CACNA2D1: variants seen among roughly 807,000 people sequenced by gnomAD.
CACNA2D1 encodes the protein voltage-dependent calcium channel subunit alpha-2/delta-1.
In CACNA2D1, 53 loss-of-function variants were observed where a neutral mutation model predicts 171.5. That is an observed-to-expected ratio of 0.31 (90% CI 0.25 to 0.39). The LOEUF is 0.39. Among genes scored for constraint, CACNA2D1 ranks in the 10% least tolerant of loss-of-function variants. The pLI, the probability that CACNA2D1 is intolerant of heterozygous loss-of-function variation, is 1.00. For synonymous variants in CACNA2D1, 442 were observed against 443.1 expected (o/e 1.00, Z 0.03); for missense variants, 903 against 1,299.8 (o/e 0.69, Z 4.69).
chr7:81,951,827 G>T (rs1165304980), intron 38 of CACNA2D1, among the ~76,000 whole-genome samples: 1 of 151,988 alleles, frequency 6.6e-6, no homozygotes, highest in Non-Finnish European at 1.5e-5. Flanking sequence ...TTCATAAAAT[G>T]ACTTCTTTTC....
chr7:82,362,411 C>A lies in CACNA2D1; in HGVS notation c.96-12762G>T, dbSNP rs1419619686. 3.9e-5 allele frequency among the ~76,000 whole-genome samples: 6 copies of A among 152,140 alleles called. No individual in the cohort carries two copies. The South Asian group carries it at 1.0e-3, about 26-fold the overall frequency. On this transcript the variant is annotated intron_variant, in intron 1 of 38. Coordinates refer to ENST00000356860, the MANE Select transcript of CACNA2D1 (RefSeq NM_000722.4). ...ATTCAGCAGCCTCCCACAGGCCTGA[C>A]AACCCTTATATTCTCTCTCAAAATG...
chr7:81,978,753 G>GTATATATATATATA (rs1554336413), intron 24 of CACNA2D1, among the ~76,000 whole-genome samples: 3 of 139,478 alleles, frequency 2.2e-5, no homozygotes, highest in African/African-American at 8.1e-5. Context: ...TTTAAAAAGT[G>GTATATATATATATA]TATATATATA....
At chr7:82,326,561 C>T (rs2129442331) in intron 3 of CACNA2D1, among the ~76,000 whole-genome samples, 1 of 152,286 alleles carries the variant, frequency 6.6e-6, no homozygotes, top group South Asian at 2.1e-4. Context: ...TGGACCATAG[C>T]AGACAGTCAG....
At chr7:82,136,547 TA>T in intron 5 of CACNA2D1, 87 bp downstream of exon 5, 1 of 1,006,720 alleles carries the variant, frequency 9.9e-7, no homozygotes, top group Non-Finnish European at 1.5e-6. Flanking sequence ...TCTTAAAAAC[TA>T]AAACTGCTAG....
chr7:82,402,337 A>G (rs1181851901), intron 1 of CACNA2D1, among the ~76,000 whole-genome samples: 1 of 152,186 alleles, frequency 6.6e-6, no homozygotes, highest in African/African-American at 2.4e-5. Context: ...CTCACAATAA[A>G]TCTGTGGGCT....
intron 3 of CACNA2D1, among the ~76,000 whole-genome samples, chr7:82,242,217 T>TA (rs1243407306): frequency 5.3e-5 from 8 of 152,232 alleles, no homozygotes; most frequent in Admixed American, 5.2e-4. Flanking sequence ...GTAAGAACCG[T>TA]ATAAGGGAGC....
chr7:81,968,451 T>C (rs1690433809), intron 29 of CACNA2D1, among the ~76,000 whole-genome samples: 1 of 151,410 alleles, frequency 6.6e-6, no homozygotes. Context: ...AGACGCCTAC[T>C]AGAATATAGT....
At chr7:82,129,696 G>T (rs551749488) in intron 5 of CACNA2D1, among the ~76,000 whole-genome samples, 1 of 152,148 alleles carries the variant, frequency 6.6e-6, no homozygotes, top group Non-Finnish European at 1.5e-5. Flanking sequence ...ATTTTCCTCT[G>T]TGTCTTTAAT....
chr7:81,959,610 T>A (rs1793856899), intron 37 of CACNA2D1, 110 bp downstream of exon 37: 1 of 1,196,114 alleles, frequency 8.4e-7, no homozygotes, highest in Non-Finnish European at 1.2e-6. Flanking sequence ...CTTTGCGAGG[T>A]GATCAGAGCA....
At chr7:81,980,751 T>G in intron 24 of CACNA2D1, among the ~76,000 whole-genome samples, 1 of 152,090 alleles carries the variant, frequency 6.6e-6, no homozygotes, top group East Asian at 1.9e-4. Context: ...CAGCTGAGAT[T>G]GACAGATACA....
chr7:81,996,826 T>C (rs896059574), intron 19 of CACNA2D1, among the ~76,000 whole-genome samples: 2 of 151,922 alleles, frequency 1.3e-5, no homozygotes, highest in Non-Finnish European at 1.5e-5. Context: ...GTTTGGGTGG[T>C]TGGATTCCTT....
chr7:82,387,345 TA>T (rs143382801), intron 1 of CACNA2D1, among the ~76,000 whole-genome samples: 2 of 152,036 alleles, frequency 1.3e-5, no homozygotes, highest in Admixed American at 1.3e-4. Context: ...CCTCCCCCTT[TA>T]AAAAAAGAAA....
intron 21 of CACNA2D1, among the ~76,000 whole-genome samples, chr7:81,989,540 G>A (rs1387268527): frequency 3.3e-5 from 5 of 152,128 alleles, no homozygotes; most frequent in Non-Finnish European, 7.4e-5. Flanking sequence ...TACAGGTTTG[G>A]AGAGTGAAGT....
intron 1 of CACNA2D1, among the ~76,000 whole-genome samples, chr7:82,389,146 A>G (rs959597987): frequency 1.5e-5 from 2 of 131,052 alleles, no homozygotes; most frequent in East Asian, 2.3e-4. Flanking sequence ...ATATATATAT[A>G]TTTATATATA....
In CACNA2D1 at chr7:82,253,852, T is replaced by C. The variant is rs547679982; in HGVS notation, c.294+81283A>G. ...GGCTAAGAAACATGAGGTCAAAATA[T>C]TTTTTAGATGGCAGATTTTTTTTGG... On this transcript the variant is annotated intron_variant, in intron 3 of 38. Transcript: ENST00000356860. Among the ~76,000 whole-genome samples the C allele has an allele frequency of 9.2e-5, 14 of 152,304 alleles. No individual in the cohort carries two copies. The South Asian group carries it at 1.9e-3, about 20-fold the overall frequency.
chr7:82,061,211 A>G (rs1206261849), intron 9 of CACNA2D1, among the ~76,000 whole-genome samples: 1 of 152,076 alleles, frequency 6.6e-6, no homozygotes, highest in African/African-American at 2.4e-5. Context: ...CATATTTTTC[A>G]TTCCTATTTA....
intron 3 of CACNA2D1, among the ~76,000 whole-genome samples, chr7:82,294,239 G>A (rs1811998364): frequency 6.6e-6 from 1 of 151,942 alleles, no homozygotes; most frequent in Non-Finnish European, 1.5e-5. Context: ...ACTACTAAAA[G>A]TACTTAAAAT....
intron 7 of CACNA2D1, among the ~76,000 whole-genome samples, chr7:82,071,239 A>G (rs907496382): frequency 9.9e-5 from 15 of 152,206 alleles, no homozygotes; most frequent in African/African-American, 3.4e-4. Context: ...GTTTTAGACA[A>G]GATAGTTAAT....
chr7:82,316,272 C>T (rs1815110320), intron 3 of CACNA2D1, among the ~76,000 whole-genome samples: 2 of 152,286 alleles, frequency 1.3e-5, no homozygotes, highest in African/African-American at 4.8e-5. Context: ...TTCCTGAAGT[C>T]TCTCACTGAA....
Sources: gnomAD v4.1 joint callset for allele counts (sites outside exome capture counted in the v4.1 genomes callset) on GRCh38, gnomAD v4.1.1 for gene constraint, MANE v1.5 for transcripts, NCBI Gene and HGNC (gene_info 2026-07-23, HGNC 2026-07-21) for gene names.